SGCD: variants seen among roughly 807,000 people sequenced by gnomAD.
The protein encoded by SGCD is sarcoglycan delta, also known as delta-sarcoglycan.
A neutral mutation model predicts 36.6 loss-of-function variants in SGCD; 18 were observed. That is an observed-to-expected ratio of 0.49 (90% CI 0.34 to 0.73). The LOEUF is 0.73. Ranked by LOEUF, SGCD falls within the 30% of genes least tolerant of loss-of-function variation. SGCD has a pLI of 0.01. For missense variants in SGCD, 387 were observed against 346.7 expected, an observed-to-expected ratio of 1.12 and a Z score of -0.92; for synonymous variants, 133 against 130.6, an observed-to-expected ratio of 1.02 and a Z score of -0.12.
the SGCD span, among the ~76,000 whole-genome samples, chr5:155,736,516 C>T: frequency 1.3e-5 from 2 of 152,168 alleles, no homozygotes; most frequent in African/African-American, 4.8e-5. Flanking sequence ...AAAATTCCTC[C>T]ATTGCATGCT....
chr5:156,466,622 G>A (rs902927715), intron 3 of SGCD, among the ~76,000 whole-genome samples: 2 of 152,010 alleles, frequency 1.3e-5, no homozygotes, highest in Non-Finnish European at 2.9e-5. Context: ...GGGCTTGCAC[G>A]GATAACTTAG....
At chr5:156,057,266 T>C (rs1378521004) in intron 1 of SGCD, among the ~76,000 whole-genome samples, 1 of 146,350 alleles carries the variant, frequency 6.8e-6, no homozygotes, top group Non-Finnish European at 1.5e-5. Context: ...AAAGATAAAC[T>C]TGCAACACTA....
At chr5:155,925,168 T>C (rs1279433686) in intron 1 of SGCD, among the ~76,000 whole-genome samples, 1 of 152,238 alleles carries the variant, frequency 6.6e-6, no homozygotes, top group Non-Finnish European at 1.5e-5. Flanking sequence ...GATATATTAA[T>C]CTTCTTTCTT....
intron 1 of SGCD, among the ~76,000 whole-genome samples, chr5:156,010,371 C>T (rs908151180): frequency 1.3e-5 from 2 of 152,050 alleles, no homozygotes; most frequent in Non-Finnish European, 2.9e-5. Flanking sequence ...GGAATATGTC[C>T]GATAGTTGTT....
chr5:156,155,495 A>C (rs1292929328), intron 3 of SGCD, among the ~76,000 whole-genome samples: 1 of 151,168 alleles, frequency 6.6e-6, no homozygotes, highest in Non-Finnish European at 1.5e-5. Context: ...AAACAAATTT[A>C]TGTTTTCAAC....
chr5:156,606,138 G>A (rs1192754950), intron 6 of SGCD, among the ~76,000 whole-genome samples: 2 of 152,102 alleles, frequency 1.3e-5, no homozygotes, highest in Non-Finnish European at 2.9e-5. Context: ...TGTCCTGAAT[G>A]GTATTGCCTA....
intron 3 of SGCD, among the ~76,000 whole-genome samples, chr5:156,292,685 TC>T (rs1385698912): frequency 6.6e-6 from 1 of 152,134 alleles, no homozygotes; most frequent in African/African-American, 2.4e-5. Flanking sequence ...CATACTATTT[TC>T]CACAGTGGGA....
At chr5:156,190,775 C>G (rs894404787) in intron 3 of SGCD, among the ~76,000 whole-genome samples, 1 of 152,058 alleles carries the variant, frequency 6.6e-6, no homozygotes, top group Non-Finnish European at 1.5e-5. Flanking sequence ...TCAAAGTACC[C>G]TATTTTAAAG....
At chr5:156,517,356 G>A (rs571950441) in intron 4 of SGCD, among the ~76,000 whole-genome samples, 45 of 152,208 alleles carry the variant, frequency 3.0e-4, no homozygotes, top group African/African-American at 8.4e-4. Context: ...AAGAATGAAC[G>A]TATGAATGAT....
chr5:156,210,689 A>C (rs1417233250), intron 3 of SGCD, among the ~76,000 whole-genome samples: 1 of 152,058 alleles, frequency 6.6e-6, no homozygotes, highest in Non-Finnish European at 1.5e-5. Context: ...TGCAATGAAG[A>C]GATTTAGAAG....
intron 6 of SGCD, among the ~76,000 whole-genome samples, chr5:156,602,622 T>A (rs1346386802): frequency 2.0e-5 from 3 of 152,286 alleles, no homozygotes; most frequent in African/African-American, 7.2e-5. Flanking sequence ...ACCTACCTTT[T>A]ATACCTAATT....
intron 7 of SGCD, among the ~76,000 whole-genome samples, chr5:156,716,376 C>T (rs538605254): frequency 6.6e-6 from 1 of 152,278 alleles, no homozygotes; most frequent in South Asian, 2.1e-4. Flanking sequence ...CCTGGATTTC[C>T]ACTGCACATT....
At chr5:156,258,714 A>G (rs1424457681) in intron 3 of SGCD, among the ~76,000 whole-genome samples, 1 of 152,170 alleles carries the variant, frequency 6.6e-6, no homozygotes, top group Non-Finnish European at 1.5e-5. Flanking sequence ...AAAAATGCAA[A>G]ATGTTTTCAC....
At chr5:155,888,245 A>G (rs1756049460) in intron 1 of SGCD, among the ~76,000 whole-genome samples, 1 of 152,100 alleles carries the variant, frequency 6.6e-6, no homozygotes, top group East Asian at 1.9e-4. Flanking sequence ...CCCTTCTCAA[A>G]GTTATTTCTT....
intron 3 of SGCD, among the ~76,000 whole-genome samples, chr5:156,416,622 A>T (rs1188630126): frequency 1.3e-5 from 2 of 152,202 alleles, no homozygotes; most frequent in Non-Finnish European, 2.9e-5. Flanking sequence ...CTGTATGACA[A>T]GTCCTGTGTT....
chr5:156,703,910 C>T (rs557368047), intron 7 of SGCD: 1 of 152,182 alleles, frequency 6.6e-6, no homozygotes, highest in African/African-American at 2.4e-5. Flanking sequence ...GACTTTTAAC[C>T]TGCCATACCT....
chr5:155,970,338 A>G (rs1757983609), intron 1 of SGCD, among the ~76,000 whole-genome samples: 1 of 152,086 alleles, frequency 6.6e-6, no homozygotes, highest in South Asian at 2.1e-4. Flanking sequence ...TCTGACAACA[A>G]CTTTCGTTTA....
intron 2 of SGCD, among the ~76,000 whole-genome samples, chr5:156,330,869 G>A (rs533691540): frequency 3.6e-4 from 55 of 152,192 alleles, no homozygotes; most frequent in Non-Finnish European, 6.5e-4. Flanking sequence ...GGTCCTGGCT[G>A]TGTGGCCATA....
chr5:156,231,445 A>G (rs1312090913), intron 3 of SGCD, among the ~76,000 whole-genome samples: 1 of 152,204 alleles, frequency 6.6e-6, no homozygotes, highest in African/African-American at 2.4e-5. Context: ...CTGAGGCAGG[A>G]GAATCGCTTG....
Sources: gnomAD v4.1 joint callset for allele counts (sites outside exome capture counted in the v4.1 genomes callset) on GRCh38, gnomAD v4.1.1 for gene constraint, MANE v1.5 for transcripts, NCBI Gene and HGNC (gene_info 2026-07-23, HGNC 2026-07-21) for gene names.